HAPSTR1: variants seen among roughly 807,000 people sequenced by gnomAD.
HAPSTR1 encodes the protein HUWE1-associated protein modifying stress responses 1.
At chr16:9,093,367 A>C in the HAPSTR1 span, among the ~76,000 whole-genome samples, 1 of 152,180 alleles carries the variant, frequency 6.6e-6, no homozygotes, top group Non-Finnish European at 1.5e-5. Context: ...TCAGGTTGAG[A>C]AGCGTTGAGC....
At chr16:9,116,629 A>T in the HAPSTR1 span, 2 of 1,598,282 alleles carry the variant, frequency 1.3e-6, no homozygotes. Flanking sequence ...AAAGGGTTAC[A>T]TAATTGAGCA....
the HAPSTR1 span, among the ~76,000 whole-genome samples, chr16:9,096,332 T>A: frequency 6.6e-6 from 1 of 152,228 alleles, no homozygotes; most frequent in Admixed American, 6.5e-5. Flanking sequence ...ATAGTTTATT[T>A]TCTGTCTTTT....
At chr16:9,101,758 T>C in the HAPSTR1 span, among the ~76,000 whole-genome samples, 145 of 142,380 alleles carry the variant, frequency 1.0e-3, 1 homozygote, top group South Asian at 4.1e-3. Flanking sequence ...TTTTTTTTTT[T>C]CTGGAACATA....
the HAPSTR1 span, chr16:9,092,310 C>G: frequency 7.0e-7 from 1 of 1,434,416 alleles, no homozygotes; most frequent in Non-Finnish European, 9.2e-7. Context: ...CTTGGCCGCC[C>G]CCGCCCGGGC....
chr16:9,110,275 G>A, the HAPSTR1 span: 1 of 151,302 alleles, frequency 6.6e-6, no homozygotes. Context: ...ACTGGATGTA[G>A]GGCCGTATGA....
chr16:9,111,385 A>G, the HAPSTR1 span: 19 of 152,382 alleles, frequency 1.2e-4, no homozygotes, highest in East Asian at 3.7e-3. Context: ...AGAATCTTTA[A>G]TTGAATTTTC....
At chr16:9,106,582 G>A in the HAPSTR1 span, 1 of 151,598 alleles carries the variant, frequency 6.6e-6, no homozygotes, top group African/African-American at 2.4e-5. Context: ...CACTGTGCTG[G>A]CCTCAAATAG....
the HAPSTR1 span, among the ~76,000 whole-genome samples, chr16:9,096,959 G>A: frequency 6.7e-6 from 1 of 149,464 alleles, no homozygotes; most frequent in Admixed American, 6.7e-5. Context: ...TTCCTTTTTT[G>A]GAGACGAAGT....
the HAPSTR1 span, among the ~76,000 whole-genome samples, chr16:9,113,465 A>G: frequency 6.6e-6 from 1 of 152,142 alleles, no homozygotes. Flanking sequence ...TTTGCTTGAA[A>G]TCCCTAGTCC....
At chr16:9,114,789 C>G in the HAPSTR1 span, among the ~76,000 whole-genome samples, 1 of 152,182 alleles carries the variant, frequency 6.6e-6, no homozygotes, top group African/African-American at 2.4e-5. Context: ...TGTTTACTAC[C>G]TGTTGACCTT....
chr16:9,104,194 G>GACCTCT, the HAPSTR1 span: 1 of 149,872 alleles, frequency 6.7e-6, no homozygotes, highest in Non-Finnish European at 1.5e-5. Context: ...GGCTCACCGC[G>GACCTCT]ACCTCTACCT....
the HAPSTR1 span, chr16:9,102,938 C>T: frequency 6.3e-7 from 1 of 1,583,294 alleles, no homozygotes; most frequent in East Asian, 2.2e-5. Flanking sequence ...GGAATACGGG[C>T]TCTAATGGTC....
the HAPSTR1 span, chr16:9,105,348 G>T: frequency 3.3e-5 from 5 of 152,138 alleles, no homozygotes; most frequent in Non-Finnish European, 1.5e-5. Flanking sequence ...TACTCTTAGG[G>T]TTCATACCTC....
the HAPSTR1 span, chr16:9,111,813 C>G: frequency 2.0e-4 from 30 of 152,214 alleles, no homozygotes; most frequent in African/African-American, 7.0e-4. Flanking sequence ...TAGAGATTAA[C>G]TTCAGTTCAA....
chr16:9,098,666 C>G, the HAPSTR1 span, among the ~76,000 whole-genome samples: 1 of 151,988 alleles, frequency 6.6e-6, no homozygotes, highest in Non-Finnish European at 1.5e-5. Context: ...ACCCTTCCTC[C>G]CAAAAAAGAA....
chr16:9,108,770 C>T, the HAPSTR1 span: 9 of 152,236 alleles, frequency 5.9e-5, no homozygotes, highest in East Asian at 5.8e-4. Context: ...CTATTTTCCT[C>T]GGTAACCTTG....
At chr16:9,092,072 G>A in the HAPSTR1 span, 9 of 1,536,054 alleles carry the variant, frequency 5.9e-6, no homozygotes, top group Non-Finnish European at 7.9e-6. Flanking sequence ...GGAGGGCGAG[G>A]CCGAGATCCA....
chr16:9,121,436 C>G, the HAPSTR1 span: 2 of 152,200 alleles, frequency 1.3e-5, no homozygotes, highest in African/African-American at 4.8e-5. Context: ...ATTTATACTT[C>G]CTTTGGCAGA....
the HAPSTR1 span, among the ~76,000 whole-genome samples, chr16:9,098,520 A>G: frequency 2.6e-5 from 4 of 152,302 alleles, 1 homozygote; most frequent in East Asian, 7.7e-4. Flanking sequence ...AAGAAACAGT[A>G]CATTTTCTTT....
Sources: gnomAD v4.1 joint callset for allele counts (sites outside exome capture counted in the v4.1 genomes callset) on GRCh38, gnomAD v4.1.1 for gene constraint, MANE v1.5 for transcripts, NCBI Gene and HGNC (gene_info 2026-07-23, HGNC 2026-07-21) for gene names.